ZNF740: variants seen among roughly 807,000 people sequenced by gnomAD.
ZNF740 encodes oriLyt TD-element-binding protein 7.
In ZNF740, 14 loss-of-function variants were observed where a neutral mutation model predicts 24.8. That is an observed-to-expected ratio of 0.56 (90% CI 0.37 to 0.88). ZNF740 has a LOEUF of 0.88. Ranked by LOEUF, ZNF740 falls within the 40% of genes least tolerant of loss-of-function variation. The probability of loss-of-function intolerance (pLI) is 0.00; values close to 1 mark genes in which losing one functional copy is unlikely to be tolerated. For missense variants in ZNF740, 201 were observed against 247.9 expected (o/e 0.81, Z 1.27); for synonymous variants, 69 against 84.0 (o/e 0.82, Z 0.98).
At chr12:53,182,602 A>G (rs535436782) in intron 2 of ZNF740, among the ~76,000 whole-genome samples, 4 of 152,258 alleles carry the variant, frequency 2.6e-5, no homozygotes, top group African/African-American at 9.6e-5. Context: ...AGGTTGAAAG[A>G]TGCATAGGAT....
In ZNF740 at chr12:53,193,999, G is replaced by A; in HGVS notation, c.*6409G>A. 1 of 1,348,816 alleles carries A rather than the reference G, an allele frequency of 7.4e-7. No individual in the cohort carries two copies. The highest frequency in any genetic ancestry group is 1.0e-6 in the Non-Finnish European group (1 of 976,192). The allele number at this position is 1,348,816 out of a possible 1,614,324, so 83.6% of individuals were successfully genotyped here. A position where few individuals can be genotyped will look rare whatever the true frequency, so the allele number is the denominator to read the frequency against. On this transcript the variant is annotated 3_prime_UTR_variant, in exon 7 of 7. Transcript: ENST00000416904. The stretch of plus-strand genomic sequence containing the variant: ...AGAACCTCACCCCTTAGTAAATGAA[G>A]GGATGGGGTCATGTTAACACCCAAC...
intron 2 of ZNF740, among the ~76,000 whole-genome samples, chr12:53,184,150 T>TGTGTGTGTGTGTGCGCGC (rs59250662): frequency 1.7e-4 from 18 of 104,424 alleles, no homozygotes; most frequent in East Asian, 1.4e-3. Flanking sequence ...TGTGTGTGTG[T>TGTGTGTGTGTGTGCGCGC]GCGCGCGCGC....
rs193089246 is a variant in ZNF740, at chr12:53,181,816, G to A, written c.-168G>A. ...TGGAACACCTATCTTTTCTTCGGAG[G>A]ACACTAAGTTCTATTTGAAGACAAA... On this transcript the variant is annotated 5_prime_UTR_variant, in exon 2 of 7. Transcript: ENST00000416904. The A allele has an allele frequency of 4.6e-5, 37 of 807,976 alleles. 1 individual carries two copies. In the African/African-American group the frequency reaches 6.1e-4, roughly 13 times the overall value. 50.1% of individuals were successfully genotyped at this position (807,976 alleles called of 1,614,324 possible).
chr12:53,181,182 G>T (rs1032505638), intron 1 of ZNF740: 2 of 985,272 alleles, frequency 2.0e-6, no homozygotes, highest in African/African-American at 3.5e-5. Context: ...CGCCGCGCCG[G>T]GCTTCGCCTG....
rs937104628 is a variant in ZNF740, at chr12:53,193,937, C to A, written c.*6347C>A. On this transcript the variant is annotated 3_prime_UTR_variant, in exon 7 of 7. Coordinates refer to ENST00000416904, the MANE Select transcript of ZNF740 (RefSeq NM_001004304.4). ...GCAGGAATCAGGCCATGGTTATACA[C>A]ATGCACACACACATACCCCAAACTC... The A allele has an allele frequency of 1.3e-6, 2 of 1,562,736 alleles. No individual in the cohort carries two copies. Among genetic ancestry groups the A allele is most frequent in the Non-Finnish European group, 1.7e-6 (2 of 1,144,300 alleles).
rs774734957 is a variant in ZNF740, at chr12:53,184,906, T to A, written c.25T>A (p.Cys9Ser). 1.9e-6 allele frequency: 3 copies of A among 1,613,194 alleles called. No homozygotes were observed. Among genetic ancestry groups the A allele is most frequent in the African/African-American group, 1.3e-5 (1 of 74,908 alleles). ...TTCAACTTAGGCAAGTCTCCTGGCT[T>A]GTGAAGGCCTAGCAGGTGTGAGTTT... MAQASLLA[C>S]EGLAGVSLVP... The change falls in exon 3 of 7, where the codon TGT (cysteine) becomes AGT (serine). Residue 9 changes from cysteine (C) to serine (S), a missense_variant. Around this residue, in one of 3 missense-constraint regions of ZNF740, gnomAD observed 117 missense variants for 122.3 expected, o/e 0.96. Transcript: ENST00000416904.
chr12:53,180,925 GGGGGAGGGGA>G, intron 1 of ZNF740, 88 bp downstream of exon 1: 3 of 1,086,612 alleles, frequency 2.8e-6, no homozygotes, highest in Non-Finnish European at 3.4e-6. Context: ...CGCGCGGGAA[GGGGGAGGGGA>G]GGGGAGGAGG....
Position 53,191,546 on chromosome 12 carries a change from C to T in ZNF740, c.*3956C>T, listed in dbSNP as rs1941943546. ...AGGAGAAGAGCCTTGGGTAAGTGTCCCTCCCTCCTTCAGAGAGTGGGACTG... is the reference window on the plus strand; with the variant it reads ...AGGAGAAGAGCCTTGGGTAAGTGTCTCTCCCTCCTTCAGAGAGTGGGACTG... On this transcript the variant is annotated 3_prime_UTR_variant, in exon 7 of 7. Transcript: ENST00000416904. 6.2e-7 allele frequency: 1 copy of T among 1,602,962 alleles called. No homozygotes were observed. The highest frequency in any genetic ancestry group is 1.3e-5 in the African/African-American group (1 of 74,678).
chr12:53,181,207 C>T, intron 1 of ZNF740: 1 of 985,450 alleles, frequency 1.0e-6, no homozygotes, highest in Non-Finnish European at 1.2e-6. Context: ...TCCTCCACCT[C>T]CGCAGCAAGT....
In ZNF740 at chr12:53,192,776, A is replaced by G; in HGVS notation, c.*5186A>G. ...CCGTCCAAGCACTGGCAGCGGTTGC[A>G]TTTGCAGCGTCCATGCCCACTGCAG... is the stretch of plus-strand genomic sequence containing the variant. On this transcript the variant is annotated 3_prime_UTR_variant, in exon 7 of 7. Coordinates refer to ENST00000416904, the MANE Select transcript of ZNF740 (RefSeq NM_001004304.4). 1 of 1,614,210 alleles carries G rather than the reference A, an allele frequency of 6.2e-7. No homozygotes were observed. The highest frequency in any genetic ancestry group is 8.5e-7 in the Non-Finnish European group (1 of 1,180,032).
At chr12:53,180,941 G>T in intron 1 of ZNF740, 104 bp downstream of exon 1, 3 of 975,922 alleles carry the variant, frequency 3.1e-6, no homozygotes, top group Non-Finnish European at 3.8e-6. Flanking sequence ...GGGGAGGGGA[G>T]GAGGGGCGCG....
intron 5 of ZNF740, 47 bp downstream of exon 5, chr12:53,186,124 T>C (rs371675362): frequency 1.9e-6 from 3 of 1,586,424 alleles, no homozygotes; most frequent in Middle Eastern, 1.7e-4. Context: ...GTCTATCGCT[T>C]GTATTCCATG....
chr12:53,181,194 C>T, intron 1 of ZNF740: 7 of 985,462 alleles, frequency 7.1e-6, no homozygotes, highest in Non-Finnish European at 8.4e-6. Context: ...CTTCGCCTGC[C>T]TGTCCTCCAC....
chr12:53,185,543 C>T, intron 4 of ZNF740, 67 bp downstream of exon 4: 2 of 1,439,140 alleles, frequency 1.4e-6, no homozygotes, highest in Non-Finnish European at 1.9e-6. Context: ...TCCTTCTTCC[C>T]TCTACCATGT....
chr12:53,194,008 T>C lies in ZNF740; in HGVS notation c.*6418T>C. Reference sequence around the variant, plus strand: ...CCCCTTAGTAAATGAAGGGATGGGGTCATGTTAACACCCAACTCCTAGAAA... The same window carrying C: ...CCCCTTAGTAAATGAAGGGATGGGGCCATGTTAACACCCAACTCCTAGAAA... On this transcript the variant is annotated 3_prime_UTR_variant, in exon 7 of 7. Coordinates refer to ENST00000416904, the MANE Select transcript of ZNF740 (RefSeq NM_001004304.4). 6.1e-6 allele frequency: 8 copies of C among 1,319,018 alleles called. No individual in the cohort carries two copies. The highest frequency in any genetic ancestry group is 8.4e-6 in the Non-Finnish European group (8 of 950,342). The allele number at this position is 1,319,018 out of a possible 1,614,324, so 81.7% of individuals were successfully genotyped here.
Position 53,193,618 on chromosome 12 carries a change from G to T in ZNF740, c.*6028G>T, listed in dbSNP as rs940417040. The T allele has an allele frequency of 7.9e-5, 93 of 1,177,138 alleles. No homozygotes were observed. Among genetic ancestry groups the T allele is most frequent in the Non-Finnish European group, 1.0e-4 (87 of 837,686 alleles). 72.9% of individuals were successfully genotyped at this position (1,177,138 alleles called of 1,614,324 possible). ...GAGTCGGGATGTCGAGGAGACTCCTGTGGGGGGGATGGAAAGCAGCGGAGG... is the reference window on the plus strand; with the variant it reads ...GAGTCGGGATGTCGAGGAGACTCCTTTGGGGGGGATGGAAAGCAGCGGAGG... On this transcript the variant is annotated 3_prime_UTR_variant, in exon 7 of 7. Coordinates refer to ENST00000416904, the MANE Select transcript of ZNF740 (RefSeq NM_001004304.4).
Position 53,191,259 on chromosome 12 carries a change from C to T in ZNF740, c.*3669C>T, listed in dbSNP as rs935087879. The T allele has an allele frequency of 5.9e-5, 23 of 388,850 alleles. No homozygotes were observed. Among genetic ancestry groups the T allele is most frequent in the Middle Eastern group, 7.8e-4 (1 of 1,288 alleles). The allele number at this position is 388,850 out of a possible 1,614,324, so 24.1% of individuals were successfully genotyped here. A position where few individuals can be genotyped will look rare whatever the true frequency, so the allele number is the denominator to read the frequency against. ...AGAGGAGGATGGACAAGAGCTTTCC[C>T]GAGGCCCAGGCTATAAACAGTCTGC... On this transcript the variant is annotated 3_prime_UTR_variant, in exon 7 of 7. Coordinates refer to ENST00000416904, the MANE Select transcript of ZNF740 (RefSeq NM_001004304.4).
intron 6 of ZNF740, chr12:53,186,760 T>C (rs1046381410): frequency 1.1e-5 from 4 of 357,162 alleles, no homozygotes; most frequent in African/African-American, 6.1e-5. Flanking sequence ...GAGCATACTT[T>C]ACATAGATGA....
chr12:53,185,573 A>G, intron 4 of ZNF740, 97 bp downstream of exon 4: 1 of 1,162,572 alleles, frequency 8.6e-7, no homozygotes, highest in Non-Finnish European at 1.2e-6. Context: ...CTTTCCCTAG[A>G]TGCTTTGATC....
Sources: gnomAD v4.1 joint callset for allele counts (sites outside exome capture counted in the v4.1 genomes callset) on GRCh38, gnomAD v4.1.1 for gene constraint, gnomAD v4.1.1 regional missense constraint, MANE v1.5 for transcripts, NCBI Gene and HGNC (gene_info 2026-07-23, HGNC 2026-07-21) for gene names.